BBS12: variants seen among roughly 807,000 people sequenced by gnomAD.
BBS12 encodes the protein chaperonin-containing T-complex member BBS12.
In BBS12, 5 loss-of-function variants were observed where a neutral mutation model predicts 5.6. The observed-to-expected ratio is 0.89, with a 90% CI of 0.46 to 1.86. The LOEUF (loss-of-function observed/expected upper bound fraction) is 1.86. Among genes scored for constraint, BBS12 ranks in the 40% most tolerant of loss-of-function variants. BBS12 has a pLI of 0.01. For synonymous variants in BBS12, 308 were observed against 306.8 expected (o/e 1.00, Z -0.04); for missense variants, 748 against 830.4 (o/e 0.90, Z 1.22).
At chr4:122,701,466 A>C in the BBS12 span, among the ~76,000 whole-genome samples, 3 of 152,212 alleles carry the variant, frequency 2.0e-5, no homozygotes, top group African/African-American at 7.2e-5. Flanking sequence ...ATACATGCAC[A>C]TGTACACATT....
At chr4:122,739,558 C>T (rs1041168398) in intron 1 of BBS12, among the ~76,000 whole-genome samples, 1 of 152,216 alleles carries the variant, frequency 6.6e-6, no homozygotes, top group African/African-American at 2.4e-5. Flanking sequence ...AAGGCTTGGG[C>T]TTGAAAGTTG....
At position 122,742,580 on chromosome 4, in the gene BBS12, A is replaced by G. The variant is rs1210243248; in HGVS notation, c.688A>G (p.Ile230Val). Residue 230 changes from isoleucine (I) to valine (V), a missense_variant, in exon 2 of 2, where the codon ATA (isoleucine) becomes GTA (valine). Physicochemically the swap from Ile to Val is conservative, Grantham distance 29. Coordinates refer to ENST00000314218, the MANE Select transcript of BBS12 (RefSeq NM_152618.3). ...TGCAGATACCTGCTGCAGACAGTCAATACTAATCCACAGTAGGCATTTTAA... is the reference window on the plus strand; with the variant it reads ...TGCAGATACCTGCTGCAGACAGTCAGTACTAATCCACAGTAGGCATTTTAA... ...LLADTCCRQSILIHSRHFNRT... is the reference protein window; with the variant it reads ...LLADTCCRQSVLIHSRHFNRT... 6.2e-7 allele frequency: 1 copy of G among 1,614,158 alleles called. No individual in the cohort carries two copies. The highest frequency in any genetic ancestry group is 8.5e-7 in the Non-Finnish European group (1 of 1,180,054).
chr4:122,716,432 ACAAT>A, the BBS12 span, among the ~76,000 whole-genome samples: 1 of 151,826 alleles, frequency 6.6e-6, no homozygotes, highest in African/African-American at 2.4e-5. Context: ...TTTATGCAAA[ACAAT>A]CAAGTTACTA....
At chr4:122,735,236 A>C (rs1302413056) in intron 1 of BBS12, among the ~76,000 whole-genome samples, 1 of 152,216 alleles carries the variant, frequency 6.6e-6, no homozygotes, top group East Asian at 1.9e-4. Flanking sequence ...TATAGCATCT[A>C]TGGAGATGAA....
At chr4:122,740,142 A>G (rs1014296505) in intron 1 of BBS12, among the ~76,000 whole-genome samples, 1 of 152,136 alleles carries the variant, frequency 6.6e-6, no homozygotes, top group Non-Finnish European at 1.5e-5. Context: ...GTATGGTGGC[A>G]TGCACTTGTA....
chr4:122,744,822 T>TG lies in BBS12; in HGVS notation c.*798dup, dbSNP rs1800963298. The TG allele has an allele frequency of 1.2e-5, 2 of 167,242 alleles. No homozygotes were observed. The allele number at this position is 167,242 out of a possible 1,614,324, so 10.4% of individuals were successfully genotyped here. A position where few individuals can be genotyped will look rare whatever the true frequency, so the allele number is the denominator to read the frequency against. ...ACCTCAGTCCTGTCCCCCAAGGTCTTGACTCAATCAACTCTAAGTTCCAAG... is the reference window on the plus strand; with the variant it reads ...ACCTCAGTCCTGTCCCCCAAGGTCTTGGACTCAATCAACTCTAAGTTCCAAG... On this transcript the variant is annotated 3_prime_UTR_variant, in exon 2 of 2. Coordinates refer to ENST00000314218, the MANE Select transcript of BBS12 (RefSeq NM_152618.3).
chr4:122,733,172 C>T (rs1560702329), intron 1 of BBS12, among the ~76,000 whole-genome samples: 1 of 152,144 alleles, frequency 6.6e-6, no homozygotes, highest in East Asian at 1.9e-4. Flanking sequence ...GCATGGTAGA[C>T]ACCAGAATTC....
At position 122,742,692 on chromosome 4, in the gene BBS12, A is replaced by T; in HGVS notation, c.800A>T (p.Asp267Val). 6.2e-7 allele frequency: 1 copy of T among 1,614,232 alleles called. No homozygotes were observed. ...ACTCACAAAACTTACAGATGTAATG[A>T]TTTGGTAGAGTTGGCAGTAGGCTTG... is the stretch of plus-strand genomic sequence containing the variant. ...TATHKTYRCN[D>V]LVELAVGLSH... Residue 267 changes from aspartate to valine, a missense_variant, in exon 2 of 2, where the codon GAT becomes GTT. Transcript: ENST00000314218.
the BBS12 span, among the ~76,000 whole-genome samples, chr4:122,707,956 C>T: frequency 2.7e-5 from 4 of 149,742 alleles, no homozygotes; most frequent in Non-Finnish European, 5.9e-5. Flanking sequence ...TTCCTTCCTT[C>T]CTTCCTTCCT....
At chr4:122,717,771 C>T in the BBS12 span, among the ~76,000 whole-genome samples, 1 of 152,144 alleles carries the variant, frequency 6.6e-6, no homozygotes, top group Non-Finnish European at 1.5e-5. Context: ...GCAATCCTCC[C>T]ACCTTGGCCT....
At chr4:122,737,031 C>A (rs1354224966) in intron 1 of BBS12, among the ~76,000 whole-genome samples, 1 of 152,058 alleles carries the variant, frequency 6.6e-6, no homozygotes, top group South Asian at 2.1e-4. Flanking sequence ...TAATTTCATG[C>A]CTTTTGTATC....
the BBS12 span, among the ~76,000 whole-genome samples, chr4:122,704,822 A>G: frequency 6.6e-6 from 1 of 152,144 alleles, no homozygotes; most frequent in Non-Finnish European, 1.5e-5. Flanking sequence ...TAGATTGCAT[A>G]ATTGACTTCA....
At chr4:122,723,237 C>T in the BBS12 span, among the ~76,000 whole-genome samples, 24 of 152,072 alleles carry the variant, frequency 1.6e-4, no homozygotes, top group Admixed American at 7.2e-4. Flanking sequence ...TTGTAGGTTC[C>T]GGTAACAAGT....
In BBS12 at chr4:122,743,287, G is replaced by T; in HGVS notation, c.1395G>T (p.Val465=). ...AYITQVNEDC[V]GDGVCVTFWR... ...TTACACAAGTGAATGAAGATTGTGT[G>T]GGCGACGGGGTCTGCGTGACCTTCT... The change falls in exon 2 of 2, where the codon GTG becomes GTT. Residue 465 remains valine, a synonymous_variant. Transcript: ENST00000314218. The T allele has an allele frequency of 6.2e-7, 1 of 1,614,194 alleles. No individual in the cohort carries two copies. Among genetic ancestry groups the T allele is most frequent in the East Asian group, 2.2e-5 (1 of 44,890 alleles).
chr4:122,738,783 T>C (rs1800823278), intron 1 of BBS12, among the ~76,000 whole-genome samples: 1 of 152,070 alleles, frequency 6.6e-6, no homozygotes, highest in Non-Finnish European at 1.5e-5. Flanking sequence ...AAAATGCAAG[T>C]CAAAAACACA....
the BBS12 span, among the ~76,000 whole-genome samples, chr4:122,707,973 C>CTTCCTTCCTTCCTTCCTTCCT: frequency 8.8e-5 from 13 of 146,950 alleles, no homozygotes; most frequent in Admixed American, 8.8e-4. Context: ...TCCTTCCTTC[C>CTTCCTTCCTTCCTTCCTTCCT]TTTCTTTCTT....
chr4:122,733,742 T>G (rs998909315), intron 1 of BBS12, among the ~76,000 whole-genome samples: 2 of 152,126 alleles, frequency 1.3e-5, no homozygotes, highest in Non-Finnish European at 2.9e-5. Flanking sequence ...AACCTTTAAT[T>G]GCTCACACAT....
upstream of BBS12, among the ~76,000 whole-genome samples, chr4:122,728,237 A>C (rs1181241998): frequency 6.6e-6 from 1 of 152,228 alleles, no homozygotes; most frequent in African/African-American, 2.4e-5. Flanking sequence ...AAAACGTTGG[A>C]AACTAAAATG....
chr4:122,725,220 A>T, the BBS12 span, among the ~76,000 whole-genome samples: 1 of 152,202 alleles, frequency 6.6e-6, no homozygotes. Flanking sequence ...TGTAATTGCC[A>T]TCAAAATACC....
Sources: gnomAD v4.1 joint callset for allele counts (sites outside exome capture counted in the v4.1 genomes callset) on GRCh38, gnomAD v4.1.1 for gene constraint, MANE v1.5 for transcripts, NCBI Gene and HGNC (gene_info 2026-07-23, HGNC 2026-07-21) for gene names.